Variants in TRIM66 observed in about 807,000 individuals in gnomAD.
TRIM66 encodes the protein tripartite motif-containing protein 66.
In TRIM66, 99 loss-of-function variants were observed where a neutral mutation model predicts 148.2. That is an observed-to-expected ratio of 0.67 (90% CI 0.57 to 0.79). The LOEUF is 0.79. Among genes scored for constraint, TRIM66 ranks in the 30% least tolerant of loss-of-function variants. The pLI is 0.00. For synonymous variants in TRIM66, 616 were observed against 635.9 expected, an observed-to-expected ratio of 0.97 and a Z score of 0.47; for missense variants, 1,666 against 1,697.9, an observed-to-expected ratio of 0.98 and a Z score of 0.33.
chr11:8,625,007 G>T lies in TRIM66; in HGVS notation c.2532C>A (p.His844Gln), dbSNP rs1318890011. ...NQAMPSLTTS[H>Q]LQTVPSLVHS... is the part of the protein sequence containing the mutation. ...GCACAAGGCTGGGCACAGTCTGTAG[G>T]TGACTGGTTGTCAGGCTGGGCATGG... Residue 844 changes from histidine (H) to glutamine (Q), a missense_variant, in exon 16 of 25, where the codon CAC becomes CAA. His to Gln is a conservative substitution (Grantham distance 24). This residue lies in a region of TRIM66 where 1,431 missense variants were observed against 1,412.4 expected (regional missense o/e 1.01). Transcript: ENST00000646038. 6.4e-7 allele frequency: 1 copy of T among 1,551,746 alleles called. No individual in the cohort carries two copies. Among genetic ancestry groups the T allele is most frequent in the Admixed American group, 2.0e-5 (1 of 51,018 alleles).
chr11:8,642,843 C>CA (rs60432547), intron 13 of TRIM66, among the ~76,000 whole-genome samples, 166 bp downstream of exon 13: 992 of 73,032 alleles, frequency 0.014, 1 homozygote, highest in Middle Eastern at 0.019. Flanking sequence ...TCTTCCCCCT[C>CA]AAAAAAAAAA....
At chr11:8,645,926 C>T (rs1386617071) in intron 11 of TRIM66, 39 bp from the exon 12 acceptor site, 16 of 1,544,836 alleles carry the variant, frequency 1.0e-5, no homozygotes, top group Admixed American at 7.9e-5. Context: ...GATCCTGTTA[C>T]TGGACTGTAA....
chr11:8,646,387 C>A, intron 11 of TRIM66, 60 bp downstream of exon 11: 1 of 1,397,426 alleles, frequency 7.2e-7, no homozygotes, highest in East Asian at 2.5e-5. Context: ...GGTCCTGGGA[C>A]TAGCTTGATA....
In TRIM66 at chr11:8,625,078, C is replaced by A. The variant is rs923519477; in HGVS notation, c.2461G>T (p.Ala821Ser). Residue 821 changes from alanine to serine, a missense_variant, in exon 16 of 25, where the codon GCT (alanine) becomes TCT (serine). Physicochemically the swap from Ala to Ser is moderately conservative, Grantham distance 99. Coordinates refer to ENST00000646038, the MANE Select transcript of TRIM66 (RefSeq NM_001388022.1). ...AGGCTGGACACCATTTTGGGGGGAGCACTCAGCAGGCTTGGTACTGCCTGG... is the reference window on the plus strand; with the variant it reads ...AGGCTGGACACCATTTTGGGGGGAGAACTCAGCAGGCTTGGTACTGCCTGG... ...APQAVPSLLS[A>S]PPKMVSSLTS... 1 of 1,551,762 alleles carries A rather than the reference C, an allele frequency of 6.4e-7. No homozygotes were observed. The highest frequency in any genetic ancestry group is 8.7e-7 in the Non-Finnish European group (1 of 1,147,006).
chr11:8,645,819 C>G lies in TRIM66; in HGVS notation c.1026G>C (p.Gln342His). ...QLQSIMVLNR[Q>H]FEHVQNFINW... The stretch of plus-strand genomic sequence containing the variant: ...TGATGAAATTCTGCACATGCTCAAA[C>G]TGACGGTTGAGAACCATGATGCTCT... Residue 342 changes from glutamine (Q) to histidine (H), a missense_variant, in exon 12 of 25, where the codon CAG (glutamine) becomes CAC (histidine). Coordinates refer to ENST00000646038, the MANE Select transcript of TRIM66 (RefSeq NM_001388022.1). 1 of 1,551,772 alleles carries G rather than the reference C, an allele frequency of 6.4e-7. No individual in the cohort carries two copies. Among genetic ancestry groups the G allele is most frequent in the Non-Finnish European group, 8.7e-7 (1 of 1,147,006 alleles).
At chr11:8,658,678 G>T in intron 6 of TRIM66, 1 of 750,148 alleles carries the variant, frequency 1.3e-6, no homozygotes, top group Non-Finnish European at 1.6e-6. Flanking sequence ...AGCTCAAGTT[G>T]ACACACTCTG....
chr11:8,621,410 C>T (rs1389904478), intron 19 of TRIM66, 89 bp from the exon 20 acceptor site: 2 of 1,449,292 alleles, frequency 1.4e-6, no homozygotes, highest in Non-Finnish European at 1.8e-6. Flanking sequence ...GCCCTGCATG[C>T]CTACATGAGA....
chr11:8,682,954 C>A, upstream of TRIM66: 1 of 1,227,888 alleles, frequency 8.1e-7, no homozygotes, highest in Non-Finnish European at 1.1e-6. Flanking sequence ...GCAGGGTGGC[C>A]GGCGCGGGCC....
At position 8,648,484 on chromosome 11, in the gene TRIM66, C is replaced by T. The variant is rs1227726273; in HGVS notation, c.657G>A (p.Lys219=). ...YCPLHTQEVL[K]LFCETCDMLT... is the part of the protein sequence containing the mutation. ...GCATATCACATGTCTCACAGAATAG[C>T]TTGAGTACTTCCTGTGTGTGTAGAG... Residue 219 remains lysine (K), a synonymous_variant, in exon 9 of 25, where the codon AAG becomes AAA. Coordinates refer to ENST00000646038, the MANE Select transcript of TRIM66 (RefSeq NM_001388022.1). 1.3e-6 allele frequency: 2 copies of T among 1,551,744 alleles called. No individual in the cohort carries two copies. Among genetic ancestry groups the T allele is most frequent in the East Asian group, 2.4e-5 (1 of 40,928 alleles).
intron 3 of TRIM66, among the ~76,000 whole-genome samples, chr11:8,677,442 C>A (rs557725445): frequency 1.3e-5 from 2 of 152,114 alleles, no homozygotes; most frequent in East Asian, 3.9e-4. Context: ...AAAACAGATT[C>A]AAAGAGAACA....
chr11:8,619,456 G>T lies in TRIM66; in HGVS notation c.3827C>A (p.Ala1276Asp). The change falls in exon 23 of 25, where the codon GCT becomes GAT. Residue 1276 changes from alanine (A) to aspartate (D), a missense_variant. Around this residue, in one of 3 missense-constraint regions of TRIM66, gnomAD observed 204 missense variants for 231.0 expected, o/e 0.88. Coordinates refer to ENST00000646038, the MANE Select transcript of TRIM66 (RefSeq NM_001388022.1). ...CACCTCCTCTGGGGTGGTATAGTGAGCTGGGTCCTTCTTTTGCAGCTTCCT... is the reference window on the plus strand; with the variant it reads ...CACCTCCTCTGGGGTGGTATAGTGATCTGGGTCCTTCTTTTGCAGCTTCCT... ...IRRKLQKKDP[A>D]HYTTPEEVVS... The T allele has an allele frequency of 6.4e-7, 1 of 1,551,528 alleles. No individual in the cohort carries two copies. Among genetic ancestry groups the T allele is most frequent in the Non-Finnish European group, 8.7e-7 (1 of 1,146,890 alleles).
chr11:8,661,757 T>A (rs989569732), intron 6 of TRIM66, among the ~76,000 whole-genome samples: 1 of 152,192 alleles, frequency 6.6e-6, no homozygotes, highest in African/African-American at 2.4e-5. Context: ...ATTAAGGGCC[T>A]TCCCTGCCTT....
chr11:8,675,061 T>A (rs1193008541), intron 3 of TRIM66, among the ~76,000 whole-genome samples, 178 bp from the exon 4 acceptor site: 1 of 152,250 alleles, frequency 6.6e-6, no homozygotes, highest in Non-Finnish European at 1.5e-5. Flanking sequence ...TTTGAACTAG[T>A]CTTTTCCCCA....
At chr11:8,674,741 T>C (rs929401248) in intron 4 of TRIM66, 65 bp downstream of exon 4, 4 of 152,216 alleles carry the variant, frequency 2.6e-5, no homozygotes, top group Non-Finnish European at 2.9e-5. Flanking sequence ...AAGAGTCACA[T>C]TGTTTCTCAT....
chr11:8,662,095 G>A (rs1437825476), intron 6 of TRIM66, among the ~76,000 whole-genome samples: 3 of 152,084 alleles, frequency 2.0e-5, no homozygotes, highest in Non-Finnish European at 4.4e-5. Flanking sequence ...CCACTGACAG[G>A]GCTCCAGGCT....
At chr11:8,669,409 C>T (rs573129974) in intron 6 of TRIM66, among the ~76,000 whole-genome samples, 91 of 152,194 alleles carry the variant, frequency 6.0e-4, no homozygotes, top group African/African-American at 2.1e-3. Context: ...TTTGGGAGGC[C>T]GAGGCAGGCA....
chr11:8,645,017 C>T (rs879318064), intron 12 of TRIM66, among the ~76,000 whole-genome samples: 3 of 152,224 alleles, frequency 2.0e-5, no homozygotes, highest in Non-Finnish European at 2.9e-5. Flanking sequence ...TCTCACTCTC[C>T]TCCAGTCATC....
chr11:8,646,631 A>C, intron 10 of TRIM66, 70 bp from the exon 11 acceptor site: 1 of 1,277,002 alleles, frequency 7.8e-7, no homozygotes, highest in East Asian at 2.5e-5. Flanking sequence ...GAGACAGCAA[A>C]CATAAGAACC....
intron 3 of TRIM66, among the ~76,000 whole-genome samples, chr11:8,677,625 A>C (rs1475402603): frequency 7.0e-6 from 1 of 142,056 alleles, no homozygotes; most frequent in African/African-American, 3.1e-5. Context: ...AAACAACAAC[A>C]AAAAAAACAG....
Sources: gnomAD v4.1 joint callset for allele counts (sites outside exome capture counted in the v4.1 genomes callset) on GRCh38, gnomAD v4.1.1 for gene constraint, gnomAD v4.1.1 regional missense constraint, MANE v1.5 for transcripts, NCBI Gene and HGNC (gene_info 2026-07-23, HGNC 2026-07-21) for gene names.